BRD10: variants seen among roughly 807,000 people sequenced by gnomAD.
BRD10 encodes the protein bromodomain containing 10.
chr9:5,929,784 C>T, the BRD10 span, among the ~76,000 whole-genome samples: 1 of 152,080 alleles, frequency 6.6e-6, no homozygotes, highest in East Asian at 1.9e-4. Flanking sequence ...AGAGCTCTAG[C>T]ATTTACAAAA....
chr9:5,963,527 A>C, the BRD10 span, among the ~76,000 whole-genome samples: 222 of 149,716 alleles, frequency 1.5e-3, 1 homozygote, highest in African/African-American at 2.5e-3. Context: ...GCTACCAATG[A>C]CTTTCTTCAC....
chr9:5,967,710 A>AC, the BRD10 span, among the ~76,000 whole-genome samples: 2,011 of 148,850 alleles, frequency 0.014, 38 homozygotes, highest in African/African-American at 0.043. Context: ...AAAAAAAAAA[A>AC]ACACACATTT....
the BRD10 span, among the ~76,000 whole-genome samples, chr9:5,902,273 T>C: frequency 6.6e-6 from 1 of 152,294 alleles, no homozygotes; most frequent in African/African-American, 2.4e-5. Context: ...TCACCTAGGT[T>C]TTCAAATTTG....
At chr9:5,946,891 C>T in the BRD10 span, among the ~76,000 whole-genome samples, 16 of 151,376 alleles carry the variant, frequency 1.1e-4, no homozygotes, top group Admixed American at 3.3e-4. Flanking sequence ...CTTTTAATTA[C>T]CAATTAGTTA....
chr9:5,886,366 G>A, the BRD10 span, among the ~76,000 whole-genome samples: 2 of 152,244 alleles, frequency 1.3e-5, no homozygotes, highest in African/African-American at 4.8e-5. Flanking sequence ...TGTGGGGGCT[G>A]AGCTGCCTCA....
the BRD10 span, chr9:5,922,755 T>C: frequency 6.2e-7 from 1 of 1,613,896 alleles, no homozygotes; most frequent in East Asian, 2.2e-5. Context: ...TTTACAGAGC[T>C]ATTTTGAAGA....
the BRD10 span, among the ~76,000 whole-genome samples, chr9:5,938,731 T>G: frequency 6.6e-6 from 1 of 152,178 alleles, no homozygotes; most frequent in South Asian, 2.1e-4. Flanking sequence ...TGTAACTATT[T>G]AAAGGTAGAT....
chr9:5,952,026 T>TATTTATTTATTTATTTATTTATTC, the BRD10 span, among the ~76,000 whole-genome samples: 13 of 149,386 alleles, frequency 8.7e-5, no homozygotes, highest in African/African-American at 1.5e-4. Flanking sequence ...TTTATTTATT[T>TATTTATTTATTTATTTATTTATTC]ATTTATTTAT....
the BRD10 span, chr9:5,928,992 C>T: frequency 1.2e-3 from 1,154 of 950,084 alleles, 24 homozygotes; most frequent in South Asian, 0.016. Flanking sequence ...ATCCAAAAAT[C>T]GTAAATTAAG....
At chr9:5,990,484 T>G in the BRD10 span, among the ~76,000 whole-genome samples, 1 of 152,338 alleles carries the variant, frequency 6.6e-6, no homozygotes, top group South Asian at 2.1e-4. Context: ...GCTAAATTGT[T>G]ACATAAGGTC....
chr9:5,913,405 C>T, the BRD10 span, among the ~76,000 whole-genome samples: 8 of 152,080 alleles, frequency 5.3e-5, no homozygotes, highest in Admixed American at 1.3e-4. Context: ...AAGTAACCGG[C>T]GCCAAAAACA....
the BRD10 span, among the ~76,000 whole-genome samples, chr9:5,925,484 C>A: frequency 9.2e-5 from 14 of 152,020 alleles, no homozygotes; most frequent in Non-Finnish European, 1.5e-4. Context: ...AATGAGACAA[C>A]TAATTTTTTT....
the BRD10 span, among the ~76,000 whole-genome samples, chr9:5,973,858 G>A: frequency 6.6e-6 from 1 of 152,102 alleles, no homozygotes; most frequent in Non-Finnish European, 1.5e-5. Flanking sequence ...CTCTAGCCTG[G>A]GCAACAGAGC....
At chr9:5,894,562 G>C in the BRD10 span, among the ~76,000 whole-genome samples, 1 of 152,200 alleles carries the variant, frequency 6.6e-6, no homozygotes, top group Non-Finnish European at 1.5e-5. The surrounding 1 kb of genome is among the most constrained non-coding windows in gnomAD (Gnocchi z 4.0). Context: ...GAGCTTAGAA[G>C]TGAGGGGCAT....
the BRD10 span, among the ~76,000 whole-genome samples, chr9:5,957,237 T>A: frequency 6.6e-6 from 1 of 152,148 alleles, no homozygotes; most frequent in Non-Finnish European, 1.5e-5. Flanking sequence ...TAATACTGGA[T>A]AACTGAAGAT....
At chr9:5,971,325 T>C in the BRD10 span, among the ~76,000 whole-genome samples, 2 of 152,168 alleles carry the variant, frequency 1.3e-5, no homozygotes, top group Non-Finnish European at 2.9e-5. Flanking sequence ...GTATAATTGC[T>C]TTTGAAAACG....
chr9:5,889,610 C>T, the BRD10 span, among the ~76,000 whole-genome samples: 4 of 152,038 alleles, frequency 2.6e-5, no homozygotes, highest in African/African-American at 4.8e-5. Context: ...CATGGTGAAA[C>T]CCTGTCTCTA....
the BRD10 span, among the ~76,000 whole-genome samples, chr9:6,001,815 C>T: frequency 6.6e-6 from 1 of 152,158 alleles, no homozygotes; most frequent in African/African-American, 2.4e-5. Flanking sequence ...TAATATAGCT[C>T]ATCACGGTAG....
At chr9:5,913,906 C>T in the BRD10 span, 1 of 365,074 alleles carries the variant, frequency 2.7e-6, no homozygotes, top group Non-Finnish European at 5.3e-6. Flanking sequence ...ATGAAAATAT[C>T]AGCTGTGTAA....
Sources: allele counts gnomAD v4.1 joint callset (sites outside exome capture counted in the v4.1 genomes callset), GRCh38; gene constraint gnomAD v4.1.1; non-coding constraint Gnocchi (gnomAD v3.1); transcripts MANE v1.5; gene names NCBI Gene and HGNC (gene_info 2026-07-23, HGNC 2026-07-21).